Variants in MAP2 observed in about 807,000 individuals in gnomAD.
MAP2 encodes the protein microtubule-associated protein 2.
Under a neutral mutation model 137.6 loss-of-function variants are expected in MAP2, and 14 were observed. The ratio of observed to expected loss-of-function variants is 0.10; its 90% confidence interval spans 0.07 to 0.16. The LOEUF (loss-of-function observed/expected upper bound fraction) is 0.16, where lower values mean the gene tolerates loss of function less well. Ranked by LOEUF, MAP2 falls within the 10% of genes least tolerant of loss-of-function variation. The probability of loss-of-function intolerance (pLI) is 1.00; values close to 1 mark genes in which losing one functional copy is unlikely to be tolerated. For missense variants in MAP2, 2,088 were observed against 2,191.5 expected (o/e 0.95, Z 0.94); for synonymous variants, 786 against 782.3 (o/e 1.00, Z -0.08).
At chr2:209,521,054 G>T (rs73984068) in intron 2 of MAP2, among the ~76,000 whole-genome samples, 128 of 152,070 alleles carry the variant, frequency 8.4e-4, no homozygotes, top group African/African-American at 3.0e-3. Flanking sequence ...CCAAAGTATG[G>T]TTTAGAGCTT....
intron 1 of MAP2, among the ~76,000 whole-genome samples, chr2:209,464,391 T>C (rs918584697): frequency 6.6e-6 from 1 of 152,152 alleles, no homozygotes; most frequent in Non-Finnish European, 1.5e-5. Context: ...TAAAGTAATG[T>C]CAATGAAGTA....
intron 7 of MAP2, among the ~76,000 whole-genome samples, chr2:209,681,189 A>G (rs1344891030): frequency 6.6e-6 from 1 of 152,176 alleles, no homozygotes; most frequent in Non-Finnish European, 1.5e-5. Context: ...TGTAATCTCC[A>G]TAATAGTAGG....
intron 13 of MAP2, 97 bp from the exon 14 acceptor site, chr2:209,725,612 T>C (rs2073638487): frequency 1.7e-6 from 1 of 602,052 alleles, no homozygotes; most frequent in Non-Finnish European, 2.8e-6. Flanking sequence ...TGTTGTTGCA[T>C]GTTGTGACTT....
intron 12 of MAP2, among the ~76,000 whole-genome samples, chr2:209,708,660 A>ATTGT (rs2064284535): frequency 6.6e-6 from 1 of 152,188 alleles, no homozygotes; most frequent in African/African-American, 2.4e-5. Flanking sequence ...TGGCTTTAAA[A>ATTGT]TTGTTATATA....
chr2:209,689,839 G>A (rs1312301427), intron 7 of MAP2, among the ~76,000 whole-genome samples: 3 of 152,130 alleles, frequency 2.0e-5, no homozygotes, highest in Non-Finnish European at 4.4e-5. Context: ...GTAGACTTTT[G>A]TAAACAGATT....
intron 13 of MAP2, among the ~76,000 whole-genome samples, 176 bp from the exon 14 acceptor site, chr2:209,725,533 G>A (rs775134080): frequency 1.3e-5 from 2 of 152,120 alleles, no homozygotes; most frequent in Admixed American, 6.5e-5. Context: ...ATCCAAACAT[G>A]TGGGAGAATA....
Position 209,675,916 on chromosome 2 carries a change from G to A in MAP2, c.263-2656G>A, listed in dbSNP as rs186105352. ...TATATATCAAATACTTAATAATAGA[G>A]TAAATAAGATAATTTTAGGTTTTAA... On this transcript the variant is annotated intron_variant, in intron 5 of 15. Coordinates refer to ENST00000682079, the MANE Select transcript of MAP2 (RefSeq NM_001375505.1). Among the ~76,000 whole-genome samples the A allele has an allele frequency of 5.3e-3, 803 of 151,830 alleles. 14 individuals carry two copies. The highest frequency in any genetic ancestry group is 0.018 in the African/African-American group (751 of 41,498).
At position 209,456,907 on chromosome 2, in the gene MAP2, A is replaced by G. The variant is rs75180878; in HGVS notation, c.-222+32631A>G. ...CTTTGTGTCATGGTCTTTGTTATAGATAAATTGTCATCATTATAGGAATCT... is the reference window on the plus strand; with the variant it reads ...CTTTGTGTCATGGTCTTTGTTATAGGTAAATTGTCATCATTATAGGAATCT... On this transcript the variant is annotated intron_variant, in intron 1 of 15. Coordinates refer to ENST00000682079, the MANE Select transcript of MAP2 (RefSeq NM_001375505.1). 7.2e-3 allele frequency among the ~76,000 whole-genome samples: 1,098 copies of G among 152,322 alleles called. 10 individuals are homozygous for G. Among genetic ancestry groups the G allele is most frequent in the Middle Eastern group, 0.027 (8 of 294 alleles).
chr2:209,683,928 T>G (rs1416738613), intron 7 of MAP2, among the ~76,000 whole-genome samples: 1 of 152,048 alleles, frequency 6.6e-6, no homozygotes, highest in Non-Finnish European at 1.5e-5. Context: ...CACTAAAAAT[T>G]TAAGATGTTA....
chr2:209,661,484 G>A (rs2043609185), intron 5 of MAP2: 1 of 984,398 alleles, frequency 1.0e-6, no homozygotes, highest in African/African-American at 1.7e-5. Context: ...AGTGTGCAGA[G>A]CAGAGTTATT....
chr2:209,609,237 T>C (rs188097707), intron 3 of MAP2, among the ~76,000 whole-genome samples: 29 of 152,112 alleles, frequency 1.9e-4, no homozygotes, highest in Admixed American at 1.6e-3. Context: ...ATCTTAAATT[T>C]CAAAAAATTA....
chr2:209,608,402 C>T (rs2085555169), intron 3 of MAP2, among the ~76,000 whole-genome samples: 1 of 152,110 alleles, frequency 6.6e-6, no homozygotes. Context: ...ATCCTCCCAC[C>T]TCAGCCTCCT....
At chr2:209,725,829 C>A in intron 14 of MAP2, 39 bp downstream of exon 14, 2 of 1,409,916 alleles carry the variant, frequency 1.4e-6, no homozygotes, top group East Asian at 2.5e-5. Context: ...AAATATTTAA[C>A]TGGAATCAAG....
At chr2:209,659,898 C>A in intron 5 of MAP2, among the ~76,000 whole-genome samples, 1 of 151,874 alleles carries the variant, frequency 6.6e-6, no homozygotes, top group South Asian at 2.1e-4. Flanking sequence ...ATTAGCCGGG[C>A]GTGGTGGCGG....
At chr2:209,575,247 T>C (rs288073) in intron 2 of MAP2, among the ~76,000 whole-genome samples, 42,027 of 151,790 alleles carry the variant, frequency 0.28, 9,374 homozygotes, top group African/African-American at 0.62. Context: ...GAAGGCCGGG[T>C]GCGCTGGCTC....
At position 209,592,468 on chromosome 2, in the gene MAP2, T is replaced by C. The variant is rs573166675; in HGVS notation, c.-107+12368T>C. ...TGGAGCTCCTTGTGAAAGGCATTTATTCATATGTGGCCAGTCACTAATAAA... is the reference window on the plus strand; with the variant it reads ...TGGAGCTCCTTGTGAAAGGCATTTACTCATATGTGGCCAGTCACTAATAAA... On this transcript the variant is annotated intron_variant, in intron 3 of 15. Transcript: ENST00000682079. Among the ~76,000 whole-genome samples the C allele has an allele frequency of 4.6e-5, 7 of 152,280 alleles. No individual in the cohort carries two copies. In the South Asian group the frequency reaches 1.0e-3, roughly 23 times the overall value.
intron 5 of MAP2, among the ~76,000 whole-genome samples, chr2:209,669,030 T>G (rs926965410): frequency 6.6e-6 from 1 of 152,054 alleles, no homozygotes; most frequent in Admixed American, 6.6e-5. Flanking sequence ...GTCTGTCAAG[T>G]CATTTCAGGT....
intron 1 of MAP2, among the ~76,000 whole-genome samples, chr2:209,502,449 A>G (rs886915277): frequency 1.3e-5 from 2 of 152,154 alleles, no homozygotes; most frequent in Admixed American, 6.6e-5. Context: ...ATAATGTTCC[A>G]TTGTGTATAG....
intron 1 of MAP2, among the ~76,000 whole-genome samples, chr2:209,505,144 G>GC (rs1475123130): frequency 6.6e-5 from 10 of 152,044 alleles, no homozygotes; most frequent in Non-Finnish European, 1.2e-4. Flanking sequence ...AAGAAACTGT[G>GC]CTTAACGGGA....
Sources: allele counts gnomAD v4.1 joint callset (sites outside exome capture counted in the v4.1 genomes callset), GRCh38; gene constraint gnomAD v4.1.1; transcripts MANE v1.5; gene names NCBI Gene and HGNC (gene_info 2026-07-23, HGNC 2026-07-21).